The following ADGRB1 variants were observed in gnomAD, a reference collection of about 807,000 sequenced individuals.
The protein encoded by ADGRB1 is adhesion G protein-coupled receptor B1.
ADGRB1 carries 36 observed loss-of-function variants against 175.7 expected under a neutral mutation model. That is an observed-to-expected ratio of 0.20 (90% confidence interval 0.16 to 0.27). ADGRB1 has a LOEUF of 0.27. Among genes scored for constraint, ADGRB1 ranks in the 10% least tolerant of loss-of-function variants. The probability of loss-of-function intolerance (pLI) is 1.00; values close to 1 mark genes in which losing one functional copy is unlikely to be tolerated. For missense variants in ADGRB1, 1,731 were observed against 2,255.3 expected (o/e 0.77, Z 4.71); for synonymous variants, 1,054 against 979.4 (o/e 1.08, Z -1.42).
intron 24 of ADGRB1, among the ~76,000 whole-genome samples, chr8:142,531,115 AG>A (rs1844599197): frequency 6.6e-6 from 1 of 152,194 alleles, no homozygotes; most frequent in South Asian, 2.1e-4. Flanking sequence ...CTCCATGGGG[AG>A]GGAAGCCTTG....
chr8:142,518,982 C>T (rs958762068), intron 19 of ADGRB1, among the ~76,000 whole-genome samples: 3 of 152,114 alleles, frequency 2.0e-5, no homozygotes, highest in Non-Finnish European at 2.9e-5. Flanking sequence ...GGTCGGGCAT[C>T]GGGAGGTCAA....
At chr8:142,525,723 G>A (rs566075696) in intron 23 of ADGRB1, among the ~76,000 whole-genome samples, 4 of 152,158 alleles carry the variant, frequency 2.6e-5, no homozygotes, top group Admixed American at 1.3e-4. Flanking sequence ...CCTGGTCAGG[G>A]GTCCATGGAG....
chr8:142,530,110 AGT>A (rs751992331), intron 24 of ADGRB1, among the ~76,000 whole-genome samples: 21 of 148,382 alleles, frequency 1.4e-4, no homozygotes, highest in South Asian at 4.2e-4. Flanking sequence ...ATTTTGCGTT[AGT>A]GTGTGTGTAT....
chr8:142,457,452 T>C (rs1183389823), intron 1 of ADGRB1, among the ~76,000 whole-genome samples: 1 of 152,194 alleles, frequency 6.6e-6, no homozygotes, highest in African/African-American at 2.4e-5. Context: ...GCCAGATTCT[T>C]TGGGCACCCC....
intron 4 of ADGRB1, 125 bp downstream of exon 4, chr8:142,476,820 C>T: frequency 9.3e-7 from 1 of 1,071,220 alleles, no homozygotes; most frequent in Non-Finnish European, 1.3e-6. Flanking sequence ...CCCTTAGGTG[C>T]AGGGCTCTTG....
At chr8:142,463,781 G>A (rs983053606) in intron 1 of ADGRB1, among the ~76,000 whole-genome samples, 199 bp from the exon 2 acceptor site, 6 of 152,238 alleles carry the variant, frequency 3.9e-5, no homozygotes, top group African/African-American at 1.4e-4. Context: ...CCTGCAGGTG[G>A]TCACATTGGT....
chr8:142,544,794 T>G lies in ADGRB1; in HGVS notation c.*377T>G. ...AGCTGCCTGCTTGGCCCGGCCGGCC[T>G]GGCACCGTTTTTTAAACACCCCCAT... On this transcript the variant is annotated 3_prime_UTR_variant, in exon 31 of 31. Coordinates refer to ENST00000517894, the MANE Select transcript of ADGRB1 (RefSeq NM_001702.3). 6.1e-6 allele frequency: 1 copy of G among 164,584 alleles called. No individual in the cohort carries two copies. Among genetic ancestry groups the G allele is most frequent in the East Asian group, 1.7e-4 (1 of 5,882 alleles). 10.2% of individuals were successfully genotyped at this position (164,584 alleles called of 1,614,324 possible).
chr8:142,469,627 ATG>A (rs1163021115), intron 2 of ADGRB1, among the ~76,000 whole-genome samples: 14 of 138,314 alleles, frequency 1.0e-4, no homozygotes, highest in Middle Eastern at 4.7e-3. Flanking sequence ...ATGCACGTGC[ATG>A]TGTGTATGTG....
intron 18 of ADGRB1, among the ~76,000 whole-genome samples, chr8:142,515,139 G>A (rs1052967289): frequency 6.6e-6 from 1 of 152,170 alleles, no homozygotes. Context: ...GGGCCTCCGA[G>A]AATTGGTGAC....
chr8:142,490,744 G>A, intron 16 of ADGRB1, 28 bp from the exon 17 acceptor site: 1 of 1,564,230 alleles, frequency 6.4e-7, no homozygotes, highest in South Asian at 1.2e-5. Context: ...GCTGCCAGGG[G>A]CCCTGACTCC....
At position 142,488,433 on chromosome 8, in the gene ADGRB1, C is replaced by T; in HGVS notation, c.2378C>T (p.Ala793Val). Residue 793 changes from alanine to valine, a missense_variant, in exon 14 of 31, where the codon GCC becomes GTC. Ala to Val is a moderately conservative substitution (Grantham distance 64). Coordinates refer to ENST00000517894, the MANE Select transcript of ADGRB1 (RefSeq NM_001702.3). ...DISFPMKGWR[A>V]TGDWAKVPED... ...AGCTTCCCCATGAAGGGCTGGCGGG[C>T]CACGGGTGACTGGGCCAAGGTGCCA... 1 of 1,613,194 alleles carries T rather than the reference C, an allele frequency of 6.2e-7. No individual in the cohort carries two copies. Among genetic ancestry groups the T allele is most frequent in the Non-Finnish European group, 8.5e-7 (1 of 1,179,848 alleles).
rs1005450786 is a variant in ADGRB1 at position 142,543,810 on chromosome 8, C to T, written c.4557+102C>T. The T allele has an allele frequency of 6.9e-6, 8 of 1,151,750 alleles. No individual in the cohort carries two copies. The South Asian group carries it at 9.5e-5, about 14-fold the overall frequency. The allele number at this position is 1,151,750 out of a possible 1,614,324, so 71.3% of individuals were successfully genotyped here. ...GCACTTCATCCATCCATCCATCCAT[C>T]CATCCATTCGTTCATTCATTCATTC... is the stretch of plus-strand genomic sequence containing the variant. On this transcript the variant is annotated intron_variant, in intron 30 of 30. Transcript: ENST00000517894. The surrounding 1 kb of genome is among the most constrained non-coding windows in gnomAD (Gnocchi z 4.4).
rs1040494045 is a variant in ADGRB1 at position 142,449,988 on chromosome 8, GCC to G, written c.-329_-328del. ...GCCGGGGGCGGCGGCGGCTGGAGGA[GCC>G]CCCCCCACCTCCGGTCGGGCGCCCG... On this transcript the variant is annotated 5_prime_UTR_variant, in exon 1 of 31. Transcript: ENST00000517894. The G allele has an allele frequency of 6.7e-6, 1 of 148,996 alleles. No individual in the cohort carries two copies. The allele number at this position is 148,996 out of a possible 1,614,324, so 9.2% of individuals were successfully genotyped here.
At chr8:142,499,986 A>C (rs1842411561) in intron 17 of ADGRB1, among the ~76,000 whole-genome samples, 2 of 151,602 alleles carry the variant, frequency 1.3e-5, no homozygotes, top group Admixed American at 6.6e-5. Flanking sequence ...TGGCCCTGGC[A>C]GCCATCTCAG....
Position 142,510,935 on chromosome 8 carries a change from CTCCT to C in ADGRB1, c.2680_2683del (p.Ser894ProfsTer38). The C allele has an allele frequency of 3.2e-6, 4 of 1,255,362 alleles. No individual in the cohort carries two copies. Among genetic ancestry groups the C allele is most frequent in the Non-Finnish European group, 4.1e-6 (4 of 980,192 alleles). The allele number at this position is 1,255,362 out of a possible 1,614,324, so 77.8% of individuals were successfully genotyped here. ...CCCGTGTCCCGCCCGCCCCCAGACC[CTCCT>C]CCTCCGCCCCCCCGCAGCTCGGGCC... On this transcript the variant is annotated frameshift_variant, in exon 18 of 31. Transcript: ENST00000517894. LOFTEE classifies it high-confidence loss of function. This position sits in a 1 kb window ranked among gnomAD's most constrained non-coding sequence, Gnocchi z 6.3.
rs1222709436 is a variant in ADGRB1, at chr8:142,459,614, G to T, written c.-219-4366G>T. Among the ~76,000 whole-genome samples, 3 of 152,216 alleles carry T rather than the reference G, an allele frequency of 2.0e-5. No homozygotes were observed. In the East Asian group the frequency reaches 5.8e-4, roughly 29 times the overall value. ...GCCCAGGCTGTCCCACAGCCACGTG[G>T]CCTTGTACAAATGTGCCGCATGTGT... On this transcript the variant is annotated intron_variant, in intron 1 of 30. Coordinates refer to ENST00000517894, the MANE Select transcript of ADGRB1 (RefSeq NM_001702.3).
At chr8:142,454,774 C>G (rs1839562019) in intron 1 of ADGRB1, among the ~76,000 whole-genome samples, 1 of 152,150 alleles carries the variant, frequency 6.6e-6, no homozygotes, top group African/African-American at 2.4e-5. Flanking sequence ...ACTCCTGCCC[C>G]ACCCTCCCTC....
intron 19 of ADGRB1, among the ~76,000 whole-genome samples, chr8:142,519,357 G>T (rs927272111): frequency 6.6e-6 from 1 of 152,154 alleles, no homozygotes; most frequent in Admixed American, 6.5e-5. Context: ...GAGAGAGAAC[G>T]TGACCTGCCC....
rs924374844 is a variant in ADGRB1 at position 142,464,765 on chromosome 8, G to C, written c.567G>C (p.Leu189=). 6.5e-7 allele frequency: 1 copy of C among 1,535,236 alleles called. No individual in the cohort carries two copies. The highest frequency in any genetic ancestry group is 2.5e-5 in the East Asian group (1 of 40,592). Reference sequence around the variant, plus strand: ...CCAGCCGTGCCGCCTGCCAGATGCTGTGCCGCTGGCTGGACGCGTGTCTGG... The same window carrying C: ...CCAGCCGTGCCGCCTGCCAGATGCTCTGCCGCTGGCTGGACGCGTGTCTGG... ...RNPSRAACQM[L]CRWLDACLAG... The change falls in exon 2 of 31, where the codon CTG becomes CTC. Residue 189 remains leucine, a synonymous_variant. Transcript: ENST00000517894.
Sources: gnomAD v4.1 joint callset for allele counts (sites outside exome capture counted in the v4.1 genomes callset) on GRCh38, gnomAD v4.1.1 for gene constraint, Gnocchi (gnomAD v3.1) non-coding constraint, MANE v1.5 for transcripts, NCBI Gene and HGNC (gene_info 2026-07-23, HGNC 2026-07-21) for gene names.